KCNN2: variants seen among roughly 807,000 people sequenced by gnomAD.
KCNN2 encodes potassium calcium-activated channel subfamily N member 2.
In KCNN2, 24 loss-of-function variants were observed where a neutral mutation model predicts 55.5. That is an observed-to-expected ratio of 0.43 (90% CI 0.31 to 0.61). The LOEUF (loss-of-function observed/expected upper bound fraction) is 0.61. Ranked by LOEUF, KCNN2 falls within the 20% of genes least tolerant of loss-of-function variation. KCNN2 has a pLI of 0.08. For missense variants in KCNN2, 754 were observed against 853.6 expected (o/e 0.88, Z 1.45); for synonymous variants, 431 against 336.1 (o/e 1.28, Z -3.09).
intron 2 of KCNN2, among the ~76,000 whole-genome samples, chr5:114,365,141 T>C (rs1757563443): frequency 6.6e-6 from 1 of 152,190 alleles, no homozygotes; most frequent in South Asian, 2.1e-4. Context: ...AAAATAGTGA[T>C]GCACATTACT....
At chr5:114,238,877 A>G (rs1300128875) in intron 2 of KCNN2, among the ~76,000 whole-genome samples, 1 of 152,146 alleles carries the variant, frequency 6.6e-6, no homozygotes, top group Non-Finnish European at 1.5e-5. Context: ...AGAACAGGGT[A>G]CAGTGTTCCT....
intron 1 of KCNN2, among the ~76,000 whole-genome samples, chr5:114,151,128 A>T (rs527714656): frequency 1.3e-5 from 2 of 152,140 alleles, no homozygotes; most frequent in Admixed American, 6.6e-5. Flanking sequence ...TTTAAAATCA[A>T]ATATCACTGA....
At chr5:114,263,559 G>A (rs951834239) in intron 2 of KCNN2, among the ~76,000 whole-genome samples, 3 of 151,982 alleles carry the variant, frequency 2.0e-5, no homozygotes, top group African/African-American at 7.3e-5. Context: ...CCCTTCACCC[G>A]TTTTGAATCT....
At chr5:114,269,538 C>T (rs922084601) in intron 2 of KCNN2, among the ~76,000 whole-genome samples, 8 of 150,886 alleles carry the variant, frequency 5.3e-5, no homozygotes, top group African/African-American at 1.7e-4. Flanking sequence ...TATCATAGAC[C>T]GACTCTAGAA....
intron 1 of KCNN2, among the ~76,000 whole-genome samples, chr5:114,208,007 G>A (rs1429200029): frequency 6.6e-6 from 1 of 152,208 alleles, no homozygotes; most frequent in Admixed American, 6.5e-5. Context: ...GAACACAGTA[G>A]GTAGGTTGTG....
intron 1 of KCNN2, among the ~76,000 whole-genome samples, chr5:114,076,851 G>C (rs1348345181): frequency 6.6e-6 from 1 of 151,944 alleles, no homozygotes; most frequent in Admixed American, 6.6e-5. Flanking sequence ...GTGCCAACAT[G>C]CCCGGCTAAT....
intron 1 of KCNN2, among the ~76,000 whole-genome samples, chr5:114,099,970 C>T (rs575015776): frequency 1.3e-5 from 2 of 151,970 alleles, no homozygotes; most frequent in Non-Finnish European, 2.9e-5. Context: ...ATGAGATGCT[C>T]AATGTATTTC....
intron 4 of KCNN2, among the ~76,000 whole-genome samples, chr5:114,466,449 T>C (rs1761456287): frequency 1.4e-5 from 2 of 145,472 alleles, no homozygotes; most frequent in Admixed American, 7.3e-5. Context: ...ACTTAGCATT[T>C]ACAAAGTTAT....
At chr5:114,132,473 C>T (rs1046723539) in intron 1 of KCNN2, among the ~76,000 whole-genome samples, 1 of 152,158 alleles carries the variant, frequency 6.6e-6, no homozygotes, top group Admixed American at 6.5e-5. Context: ...GTTCTCTGTT[C>T]TGTTCCATTG....
At chr5:114,437,878 A>G (rs1760063197) in intron 3 of KCNN2, among the ~76,000 whole-genome samples, 1 of 152,054 alleles carries the variant, frequency 6.6e-6, no homozygotes, top group Non-Finnish European at 1.5e-5. Context: ...TGGCTTTTCT[A>G]AACTTTCTTT....
chr5:114,162,442 A>C (rs10038795), intron 1 of KCNN2, among the ~76,000 whole-genome samples: 1 of 152,036 alleles, frequency 6.6e-6, no homozygotes, highest in East Asian at 2.0e-4. Context: ...TAGGCTACTC[A>C]GGGGTCAGGG....
At chr5:114,087,974 GTTA>G (rs1461255896) in intron 1 of KCNN2, among the ~76,000 whole-genome samples, 1 of 151,724 alleles carries the variant, frequency 6.6e-6, no homozygotes, top group Non-Finnish European at 1.5e-5. Flanking sequence ...TCTTAACATT[GTTA>G]TTATTTTTTA....
chr5:114,320,778 G>T (rs1389184801), intron 2 of KCNN2, among the ~76,000 whole-genome samples: 3 of 152,168 alleles, frequency 2.0e-5, no homozygotes, highest in East Asian at 1.9e-4. Flanking sequence ...AAAGCATAAG[G>T]ATAGAGATAG....
chr5:114,356,656 C>A (rs1254445469), intron 2 of KCNN2, among the ~76,000 whole-genome samples: 5 of 151,920 alleles, frequency 3.3e-5, no homozygotes, highest in Admixed American at 3.3e-4. Context: ...TAATTAGCCC[C>A]TAAAAAAATA....
At chr5:114,132,968 A>G (rs1752100612) in intron 1 of KCNN2, among the ~76,000 whole-genome samples, 1 of 152,170 alleles carries the variant, frequency 6.6e-6, no homozygotes, top group Non-Finnish European at 1.5e-5. Flanking sequence ...CCTTTTATAC[A>G]CCCTAATCAA....
intron 5 of KCNN2, 67 bp from the exon 6 acceptor site, chr5:114,486,982 AC>A (rs1747586892): frequency 3.9e-5 from 61 of 1,559,760 alleles, no homozygotes; most frequent in Non-Finnish European, 5.3e-5. Flanking sequence ...GAAGACTATG[AC>A]CCCCAGCAAA....
At chr5:114,119,178 C>G (rs1751778253) in intron 1 of KCNN2, among the ~76,000 whole-genome samples, 1 of 152,160 alleles carries the variant, frequency 6.6e-6, no homozygotes, top group South Asian at 2.1e-4. Flanking sequence ...TCAAAGCAAT[C>G]CAGTGGGTCA....
chr5:114,141,197 T>C (rs1443875684), intron 1 of KCNN2, among the ~76,000 whole-genome samples: 2 of 152,094 alleles, frequency 1.3e-5, no homozygotes, highest in African/African-American at 4.8e-5. Context: ...TTGTTACATA[T>C]GTATACATGT....
At position 114,486,846 on chromosome 5, in the gene KCNN2, C is replaced by G. The variant is rs994457134; in HGVS notation, c.1891-204C>G. On this transcript the variant is annotated intron_variant, in intron 5 of 7. Coordinates refer to ENST00000673685, the MANE Select transcript of KCNN2 (RefSeq NM_021614.4). ...ACAGAAAGAAAGTGGTAGTATCTCCCTATTTCAATTTAAGTGTTGTTCCCA... is the reference window on the plus strand; with the variant it reads ...ACAGAAAGAAAGTGGTAGTATCTCCGTATTTCAATTTAAGTGTTGTTCCCA... 65 of 1,185,344 alleles carry G rather than the reference C, an allele frequency of 5.5e-5. 1 individual carries two copies. In the South Asian group the frequency reaches 6.7e-4, roughly 12 times the overall value. 73.4% of individuals were successfully genotyped at this position (1,185,344 alleles called of 1,614,324 possible).
Sources: allele counts gnomAD v4.1 joint callset (sites outside exome capture counted in the v4.1 genomes callset), GRCh38; gene constraint gnomAD v4.1.1; transcripts MANE v1.5; gene names NCBI Gene and HGNC (gene_info 2026-07-23, HGNC 2026-07-21).